SETD3: variants seen among roughly 807,000 people sequenced by gnomAD.
SETD3 encodes the protein actin-histidine N-methyltransferase.
A neutral mutation model predicts 63.0 loss-of-function variants in SETD3; 19 were observed. The observed-to-expected ratio is 0.30, with a 90% CI of 0.21 to 0.44. SETD3 has a LOEUF of 0.44. SETD3 is among the 20% of genes least tolerant of loss of function. SETD3 has a pLI of 1.00. For synonymous variants in SETD3, 286 were observed against 264.1 expected (o/e 1.08, Z -0.80); for missense variants, 587 against 728.5 (o/e 0.81, Z 2.24).
rs1310376207 is a variant in SETD3, at chr14:99,465,830, G to A, written c.-8-17C>T. ...TTTTTCTGACTACAGAGAAGAGAAA[G>A]AAAAGAGAAAAAAATTACATTACCA... On this transcript the variant is annotated splice_polypyrimidine_tract_variant and intron_variant, in intron 1 of 12. Coordinates refer to ENST00000331768, the MANE Select transcript of SETD3 (RefSeq NM_032233.3). 1.9e-6 allele frequency: 3 copies of A among 1,554,540 alleles called. No homozygotes were observed. The highest frequency in any genetic ancestry group is 1.8e-5 in the Admixed American group (1 of 56,956).
At chr14:99,431,619 T>C (rs979572709) in intron 6 of SETD3, among the ~76,000 whole-genome samples, 2 of 151,972 alleles carry the variant, frequency 1.3e-5, no homozygotes, top group African/African-American at 4.8e-5. Flanking sequence ...AGCTCCTGAG[T>C]AGGTGGGATT....
At chr14:99,484,213 T>G (rs1360338764), upstream of SETD3, among the ~76,000 whole-genome samples, 1 of 152,248 alleles carries the variant, frequency 6.6e-6, no homozygotes, top group Non-Finnish European at 1.5e-5. Context: ...GTGATGCTGC[T>G]TGCTAGCTGT....
In SETD3 at chr14:99,412,572, A is replaced by AT. The variant is rs530665178; in HGVS notation, c.849+378dup. 1.8e-3 allele frequency: 299 copies of AT among 165,720 alleles called. 5 individuals carry two copies. The South Asian group carries it at 0.034, about 19-fold the overall frequency. 10.3% of individuals were successfully genotyped at this position (165,720 alleles called of 1,614,324 possible). The stretch of plus-strand genomic sequence containing the variant: ...CACAAAAGGGAAAATGAGAAATATG[A>AT]TTTTTTTTCCCCAATAAATGAGCAT... On this transcript the variant is annotated intron_variant, in intron 8 of 12. Coordinates refer to ENST00000331768, the MANE Select transcript of SETD3 (RefSeq NM_032233.3).
rs1891201019 is a variant in SETD3, at chr14:99,398,433, C to A, written c.*246G>T. On this transcript the variant is annotated 3_prime_UTR_variant, in exon 13 of 13. Transcript: ENST00000331768. ...AGGTCTGCAAAATCTCCCACAGGCA[C>A]CTCTTCTCCCTTTCTTGTGGTTGTT... 1 of 489,570 alleles carries A rather than the reference C, an allele frequency of 2.0e-6. No homozygotes were observed. Among genetic ancestry groups the A allele is most frequent in the Non-Finnish European group, 3.6e-6 (1 of 276,234 alleles). 30.3% of individuals were successfully genotyped at this position (489,570 alleles called of 1,614,324 possible). A position where few individuals can be genotyped will look rare whatever the true frequency, so the allele number is the denominator to read the frequency against.
At chr14:99,431,560 C>T in intron 6 of SETD3, among the ~76,000 whole-genome samples, 1 of 151,944 alleles carries the variant, frequency 6.6e-6, no homozygotes, top group South Asian at 2.1e-4. Flanking sequence ...GGCGCGATCT[C>T]AGCTCACTGC....
At chr14:99,404,486 C>T (rs890496365) in intron 10 of SETD3, among the ~76,000 whole-genome samples, 176 bp from the exon 11 acceptor site, 2 of 152,186 alleles carry the variant, frequency 1.3e-5, no homozygotes, top group African/African-American at 2.4e-5. Flanking sequence ...TGCAAAAGGC[C>T]GCAGGCTGGG....
chr14:99,461,295 T>A lies in SETD3; in HGVS notation c.242A>T (p.Asp81Val). 1 of 1,614,174 alleles carries A rather than the reference T, an allele frequency of 6.2e-7. No individual in the cohort carries two copies. Among genetic ancestry groups the A allele is most frequent in the Non-Finnish European group, 8.5e-7 (1 of 1,180,034 alleles). ...FDGKREDYFP[D>V]LMKWASENGA... The stretch of plus-strand genomic sequence containing the variant: ...ATTTTCAGAGGCCCATTTCATTAGA[T>A]CAGGAAAGTAATCTTCTCTTTTTCC... Residue 81 changes from aspartate to valine, a missense_variant, in exon 4 of 13, where the codon GAT (aspartate) becomes GTT (valine). Physicochemically the swap from Asp to Val is radical, Grantham distance 152 (BLOSUM62 -3). Coordinates refer to ENST00000331768, the MANE Select transcript of SETD3 (RefSeq NM_032233.3).
chr14:99,466,612 G>T (rs1288020358), intron 1 of SETD3, among the ~76,000 whole-genome samples: 1 of 13,152 alleles, frequency 7.6e-5, no homozygotes, highest in Non-Finnish European at 1.8e-4. Context: ...GATGTGTGAA[G>T]AATGGCGGGG....
At position 99,420,754 on chromosome 14, in the gene SETD3, AAAC is replaced by A. The variant is rs748522823; in HGVS notation, c.676-6823_676-6821del. ...AGCTCTATTCTAAGAATCCAAAGAG[AAAC>A]AACAACACAGATCAAGCCCACCAGT... On this transcript the variant is annotated intron_variant, in intron 6 of 12. Transcript: ENST00000331768. Among the ~76,000 whole-genome samples the A allele has an allele frequency of 1.8e-3, 271 of 152,142 alleles. 1 individual carries two copies. Among genetic ancestry groups the A allele is most frequent in the Non-Finnish European group, 3.1e-3 (208 of 68,000 alleles).
At chr14:99,470,899 T>C (rs916070642) in intron 1 of SETD3, among the ~76,000 whole-genome samples, 7 of 152,166 alleles carry the variant, frequency 4.6e-5, no homozygotes, top group Admixed American at 3.9e-4. Context: ...GCTCCCCACA[T>C]CCCACCTTCC....
At chr14:99,399,774 G>A (rs900421828) in intron 12 of SETD3, among the ~76,000 whole-genome samples, 9 of 132,706 alleles carry the variant, frequency 6.8e-5, no homozygotes, top group African/African-American at 5.9e-5. Context: ...TTTTTGAGAC[G>A]GAGTCTTGCT....
intron 1 of SETD3, among the ~76,000 whole-genome samples, chr14:99,477,164 T>C (rs899833583): frequency 2.6e-5 from 4 of 152,214 alleles, no homozygotes; most frequent in Non-Finnish European, 5.9e-5. Context: ...AGTTCACTTC[T>C]ACTTGGAAAG....
upstream of SETD3, among the ~76,000 whole-genome samples, chr14:99,482,742 G>C (rs1379900847): frequency 6.6e-6 from 1 of 152,138 alleles, no homozygotes; most frequent in African/African-American, 2.4e-5. Flanking sequence ...TTGTTAATGA[G>C]GTTCTTAAAT....
chr14:99,431,167 T>C (rs920843957), intron 6 of SETD3, among the ~76,000 whole-genome samples: 4 of 152,192 alleles, frequency 2.6e-5, no homozygotes, highest in Non-Finnish European at 5.9e-5. Context: ...TAACACATAA[T>C]AGGGATTTTG....
At chr14:99,448,607 G>A (rs935289521) in intron 6 of SETD3, among the ~76,000 whole-genome samples, 3 of 152,030 alleles carry the variant, frequency 2.0e-5, no homozygotes, top group South Asian at 4.1e-4. Context: ...CTAGATTCAC[G>A]GCTCATCAAC....
chr14:99,423,857 T>G, intron 6 of SETD3, among the ~76,000 whole-genome samples: 1 of 152,050 alleles, frequency 6.6e-6, no homozygotes, highest in East Asian at 1.9e-4. Context: ...AGTTAGAAAA[T>G]TCAAGTCTGA....
intron 6 of SETD3, among the ~76,000 whole-genome samples, chr14:99,445,225 A>C (rs1322844933): frequency 6.6e-6 from 1 of 152,256 alleles, no homozygotes; most frequent in Non-Finnish European, 1.5e-5. Context: ...ATGGTACCTT[A>C]TAAACTAACG....
rs1454250459 is a variant in SETD3, at chr14:99,398,426, A to C, written c.*253T>G. Reference sequence around the variant, plus strand: ...CCACAATAGGTCTGCAAAATCTCCCACAGGCACCTCTTCTCCCTTTCTTGT... The same window carrying C: ...CCACAATAGGTCTGCAAAATCTCCCCCAGGCACCTCTTCTCCCTTTCTTGT... On this transcript the variant is annotated 3_prime_UTR_variant, in exon 13 of 13. Transcript: ENST00000331768. 2.1e-6 allele frequency: 1 copy of C among 470,402 alleles called. No individual in the cohort carries two copies. Among genetic ancestry groups the C allele is most frequent in the Non-Finnish European group, 3.8e-6 (1 of 264,962 alleles). The allele number at this position is 470,402 out of a possible 1,614,324, so 29.1% of individuals were successfully genotyped here.
At chr14:99,435,344 C>CT (rs1387234416) in intron 6 of SETD3, among the ~76,000 whole-genome samples, 1 of 152,098 alleles carries the variant, frequency 6.6e-6, no homozygotes, top group Admixed American at 6.5e-5. Context: ...GTAGTTAATC[C>CT]TATGCTGACT....
Sources: allele counts gnomAD v4.1 joint callset (sites outside exome capture counted in the v4.1 genomes callset), GRCh38; gene constraint gnomAD v4.1.1; transcripts MANE v1.5; gene names NCBI Gene and HGNC (gene_info 2026-07-23, HGNC 2026-07-21).